The following MED12L variants were observed in gnomAD, a reference collection of about 807,000 sequenced individuals.
MED12L encodes the protein mediator of RNA polymerase II transcription subunit 12-like protein.
In MED12L, 60 loss-of-function variants were observed where a neutral mutation model predicts 281.3. That is an observed-to-expected ratio of 0.21 (90% CI 0.17 to 0.26). The LOEUF (loss-of-function observed/expected upper bound fraction) is 0.26, where lower values mean the gene tolerates loss of function less well. Among genes scored for constraint, MED12L ranks in the 10% least tolerant of loss-of-function variants. The pLI, the probability that MED12L is intolerant of heterozygous loss-of-function variation, is 1.00. For synonymous variants in MED12L, 974 were observed against 987.2 expected (o/e 0.99, Z 0.25); for missense variants, 2,146 against 2,680.9 (o/e 0.80, Z 4.41).
intron 16 of MED12L, among the ~76,000 whole-genome samples, chr3:151,197,293 C>T (rs888856864): frequency 2.0e-5 from 3 of 152,118 alleles, no homozygotes; most frequent in Non-Finnish European, 2.9e-5. Flanking sequence ...CCTCCTAAGT[C>T]GCTGAGATTA....
chr3:151,244,091 A>G lies in MED12L; in HGVS notation c.2250+50425A>G, dbSNP rs1285744315. 1.6e-4 allele frequency among the ~76,000 whole-genome samples: 18 copies of G among 114,268 alleles called. 2 individuals carry two copies. Among genetic ancestry groups the G allele is most frequent in the African/African-American group, 3.9e-4 (14 of 35,500 alleles). The allele number at this position is 114,268 out of a possible 152,430, so 75.0% of individuals were successfully genotyped here. On this transcript the variant is annotated intron_variant, in intron 16 of 44. Transcript: ENST00000687756. Reference sequence around the variant, plus strand: ...ACTCTCCCAAATATATATGCACCCAATACAGGAGCACCAAGATTCATAAAG... The same window carrying G: ...ACTCTCCCAAATATATATGCACCCAGTACAGGAGCACCAAGATTCATAAAG...
At chr3:151,362,504 C>G (rs985502773) in intron 21 of MED12L, among the ~76,000 whole-genome samples, 13 of 152,078 alleles carry the variant, frequency 8.5e-5, no homozygotes, top group African/African-American at 2.9e-4. Context: ...ACACTTCACT[C>G]ACGACTGTCT....
chr3:151,106,262 T>C, intron 2 of MED12L, among the ~76,000 whole-genome samples: 2 of 131,052 alleles, frequency 1.5e-5, no homozygotes, highest in Non-Finnish European at 3.1e-5. Context: ...CTTTTCCTTT[T>C]CCCTTTCCCT....
chr3:151,230,570 C>CTTT (rs368433695), intron 16 of MED12L, among the ~76,000 whole-genome samples: 9 of 139,454 alleles, frequency 6.5e-5, no homozygotes, highest in African/African-American at 2.1e-4. Context: ...TTACTCCACG[C>CTTT]TTTTTTTTTT....
intron 16 of MED12L, among the ~76,000 whole-genome samples, chr3:151,270,638 C>G (rs1351388790): frequency 6.6e-6 from 1 of 151,978 alleles, no homozygotes; most frequent in East Asian, 1.9e-4. Flanking sequence ...AAAGACAAAA[C>G]AAAAAATGGG....
intron 27 of MED12L, among the ~76,000 whole-genome samples, chr3:151,373,257 A>C (rs958487391): frequency 2.6e-5 from 4 of 152,182 alleles, no homozygotes; most frequent in African/African-American, 9.7e-5. Flanking sequence ...CCTGGCCAAG[A>C]TACTACAGAA....
rs781362219 is a variant in MED12L, at chr3:151,385,110, C to T, written c.5007C>T (p.Val1669=). 9 of 1,612,424 alleles carry T rather than the reference C, an allele frequency of 5.6e-6. No homozygotes were observed. The highest frequency in any genetic ancestry group is 1.1e-5 in the South Asian group (1 of 90,810). The change falls in exon 36 of 45, where the codon GTC becomes GTT. Residue 1669 remains valine (V), a synonymous_variant. Coordinates refer to ENST00000687756, the MANE Select transcript of MED12L (RefSeq NM_001393769.1). ...CTTTGCCGAAACAGACATGTGATGT[C>T]ATCACTTGTGAACCTATGGGTTCCT... is the stretch of plus-strand genomic sequence containing the variant. ...LLPLPKQTCD[V]ITCEPMGSLI...
At chr3:151,199,817 A>T (rs534710355) in intron 16 of MED12L, among the ~76,000 whole-genome samples, 1 of 152,126 alleles carries the variant, frequency 6.6e-6, no homozygotes, top group East Asian at 1.9e-4. Flanking sequence ...AGAGCTTTCA[A>T]TGAGGCCTTC....
chr3:151,292,288 CT>C (rs35742538), intron 16 of MED12L, among the ~76,000 whole-genome samples: 1,420 of 139,822 alleles, frequency 0.01, 13 homozygotes, highest in African/African-American at 0.021. Flanking sequence ...AATATTGCTC[CT>C]TTTTTTTTTT....
intron 3 of MED12L, among the ~76,000 whole-genome samples, chr3:151,120,074 A>T (rs867721733): frequency 3.5e-3 from 529 of 151,364 alleles, no homozygotes; most frequent in African/African-American, 7.3e-3. Flanking sequence ...AAAAAAAAAA[A>T]ATTAGCTGGG....
intron 16 of MED12L, among the ~76,000 whole-genome samples, chr3:151,286,033 T>G (rs1743459311): frequency 6.6e-6 from 1 of 152,302 alleles, no homozygotes; most frequent in South Asian, 2.1e-4. Flanking sequence ...TATGATGGTG[T>G]GTGGTTATGA....
chr3:151,151,459 A>T (rs1263743062), intron 5 of MED12L, among the ~76,000 whole-genome samples: 1 of 151,784 alleles, frequency 6.6e-6, no homozygotes, highest in East Asian at 1.9e-4. Context: ...CGCTGAGCTT[A>T]ATCATTTCTA....
rs760865029 is a variant in MED12L, at chr3:151,199,028, C to G, written c.2250+5362C>G. On this transcript the variant is annotated intron_variant, in intron 16 of 44. Transcript: ENST00000687756. ...GGGTTCTTGTATTCGGTAGATCTTG[C>G]AGCTGTGTGTCAGCTGAAGACAGCG... The G allele has an allele frequency of 2.5e-6, 4 of 1,614,126 alleles. No homozygotes were observed. In the East Asian group the frequency reaches 6.7e-5, roughly 27 times the overall value.
intron 16 of MED12L, among the ~76,000 whole-genome samples, chr3:151,253,484 T>TC (rs1370774661): frequency 6.6e-6 from 1 of 152,202 alleles, no homozygotes. Context: ...GCATGGGCCC[T>TC]CTTAAATTTC....
intron 16 of MED12L, chr3:151,199,017 G>A (rs1465621750): frequency 2.5e-6 from 4 of 1,613,938 alleles, no homozygotes; most frequent in African/African-American, 1.3e-5. Context: ...TCTTGTATTC[G>A]GTAGATCTTG....
At chr3:151,325,554 T>C (rs1381775246) in intron 16 of MED12L, among the ~76,000 whole-genome samples, 1 of 152,200 alleles carries the variant, frequency 6.6e-6, no homozygotes, top group Non-Finnish European at 1.5e-5. Context: ...TTTAGGAAGT[T>C]CTTCATTTTG....
At chr3:151,364,555 A>G (rs1755049455) in intron 21 of MED12L, among the ~76,000 whole-genome samples, 2 of 152,178 alleles carry the variant, frequency 1.3e-5, no homozygotes, top group South Asian at 4.1e-4. Context: ...TACCAGAGAA[A>G]TAGTTTTGTA....
At chr3:151,206,791 C>T (rs1306943184) in intron 16 of MED12L, among the ~76,000 whole-genome samples, 1 of 151,208 alleles carries the variant, frequency 6.6e-6, no homozygotes, top group African/African-American at 2.4e-5. Context: ...ACTACAGGCA[C>T]CCACCACCAC....
chr3:151,090,602 G>C (rs1030396411), intron 2 of MED12L, among the ~76,000 whole-genome samples: 1 of 152,086 alleles, frequency 6.6e-6, no homozygotes, highest in Non-Finnish European at 1.5e-5. Flanking sequence ...AGGGAAATCC[G>C]GTGACTGAGG....
Sources: gnomAD v4.1 joint callset for allele counts (sites outside exome capture counted in the v4.1 genomes callset) on GRCh38, gnomAD v4.1.1 for gene constraint, MANE v1.5 for transcripts, NCBI Gene and HGNC (gene_info 2026-07-23, HGNC 2026-07-21) for gene names.